Variants in PSMA8 observed in about 807,000 individuals in gnomAD.
PSMA8 encodes proteasome subunit alpha-type 8.
A neutral mutation model predicts 32.4 loss-of-function variants in PSMA8; 18 were observed. The observed-to-expected ratio is 0.56, with a 90% CI of 0.38 to 0.82. The LOEUF (loss-of-function observed/expected upper bound fraction) is 0.82. PSMA8 is among the 40% of genes least tolerant of loss of function. The pLI, the probability that PSMA8 is intolerant of heterozygous loss-of-function variation, is 0.00. For synonymous variants in PSMA8, 104 were observed against 98.1 expected (o/e 1.06, Z -0.36); for missense variants, 298 against 300.7 (o/e 0.99, Z 0.07).
intron 4 of PSMA8, among the ~76,000 whole-genome samples, chr18:26,174,571 A>T (rs902562551): frequency 2.0e-5 from 3 of 152,204 alleles, no homozygotes; most frequent in Admixed American, 6.5e-5. Context: ...AAGCTATTCT[A>T]TACTATTTTA....
chr18:26,186,879 A>C (rs745337458), intron 6 of PSMA8, among the ~76,000 whole-genome samples: 10 of 152,258 alleles, frequency 6.6e-5, no homozygotes, highest in African/African-American at 2.4e-4. Flanking sequence ...GGAACCAAAA[A>C]TGAATACTAC....
At chr18:26,181,939 A>G (rs77165207) in intron 6 of PSMA8, among the ~76,000 whole-genome samples, 2 of 151,500 alleles carry the variant, frequency 1.3e-5, no homozygotes, top group Non-Finnish European at 3.0e-5. Flanking sequence ...AAAAAAAAAA[A>G]CCAGTCTTGT....
At chr18:26,157,460 G>A (rs1029475443) in intron 3 of PSMA8, among the ~76,000 whole-genome samples, 2 of 151,796 alleles carry the variant, frequency 1.3e-5, no homozygotes, top group African/African-American at 2.4e-5. Flanking sequence ...TTTGGGGCAC[G>A]AGTCTCAGTG....
rs139877816 is a variant in PSMA8 at position 26,165,448 on chromosome 18, C to T, written c.477+7204C>T. On this transcript the variant is annotated intron_variant, in intron 4 of 6. Coordinates refer to ENST00000415576, the MANE Select transcript of PSMA8 (RefSeq NM_001025096.2). ...ACACTTTTCGTAAGTTTAAATTTTT[C>T]CAAAATAAAAAATTGAAGAAAAGGA... Among the ~76,000 whole-genome samples, 3 of 152,012 alleles carry T rather than the reference C, an allele frequency of 2.0e-5. No homozygotes were observed. The East Asian group carries it at 5.8e-4, about 29-fold the overall frequency.
intron 6 of PSMA8, among the ~76,000 whole-genome samples, chr18:26,186,262 A>AC (rs1030974740): frequency 6.7e-6 from 1 of 149,614 alleles, no homozygotes; most frequent in African/African-American, 2.4e-5. Context: ...AAAAAAAAAA[A>AC]AAAAAAAAAA....
chr18:26,144,604 A>C lies in PSMA8; in HGVS notation c.148A>C (p.Lys50Gln), dbSNP rs754684950. 5.6e-6 allele frequency: 9 copies of C among 1,613,764 alleles called. No individual in the cohort carries two copies. The Admixed American group carries it at 1.2e-4, about 21-fold the overall frequency. Residue 50 changes from lysine (K) to glutamine (Q), a missense_variant, in exon 2 of 7, where the codon AAA becomes CAA. Coordinates refer to ENST00000415576, the MANE Select transcript of PSMA8 (RefSeq NM_001025096.2). ...TATAGTTGTTCTTGGGGTAGAAAAA[A>C]AATCTGTTGCCAAGCTTCAAGATGA... ...TNIVVLGVEK[K>Q]SVAKLQDERT... is the part of the protein sequence containing the mutation.
chr18:26,179,233 C>A, intron 6 of PSMA8, 103 bp downstream of exon 6: 3 of 726,214 alleles, frequency 4.1e-6, no homozygotes, highest in Non-Finnish European at 4.5e-6. Context: ...TGTTATCCTT[C>A]ATTAATGTCA....
At chr18:26,166,037 G>C (rs1296383240) in intron 4 of PSMA8, among the ~76,000 whole-genome samples, 1 of 152,142 alleles carries the variant, frequency 6.6e-6, no homozygotes. Flanking sequence ...AGGAGGCAGA[G>C]GTTGCAGTGA....
rs376606262 is a variant in PSMA8 at position 26,144,624 on chromosome 18, A to G, written c.168A>G (p.Gln56=). The change falls in exon 2 of 7, where the codon CAA becomes CAG. Residue 56 remains glutamine, a synonymous_variant. Coordinates refer to ENST00000415576, the MANE Select transcript of PSMA8 (RefSeq NM_001025096.2). ...GVEKKSVAKL[Q]DERTVRKICA... ...AAAAAAAATCTGTTGCCAAGCTTCA[A>G]GATGAAAGAACTGTGAGGAAAATTT... is the stretch of plus-strand genomic sequence containing the variant. The G allele has an allele frequency of 1.8e-5, 29 of 1,613,846 alleles. No individual in the cohort carries two copies. The highest frequency in any genetic ancestry group is 6.7e-5 in the East Asian group (3 of 44,842).
intron 6 of PSMA8, among the ~76,000 whole-genome samples, chr18:26,189,145 G>GA (rs927821058): frequency 2.6e-5 from 4 of 152,030 alleles, no homozygotes; most frequent in African/African-American, 9.7e-5. Context: ...CTCTATAAGA[G>GA]AAAAAACAAT....
chr18:26,161,804 T>C (rs987819807), intron 4 of PSMA8, among the ~76,000 whole-genome samples: 6 of 152,204 alleles, frequency 3.9e-5, no homozygotes, highest in Non-Finnish European at 5.9e-5. Context: ...CAGAAGCAGT[T>C]GGCACAAGTA....
chr18:26,176,061 G>A (rs1027443290), intron 4 of PSMA8, among the ~76,000 whole-genome samples: 3 of 152,066 alleles, frequency 2.0e-5, no homozygotes, highest in Admixed American at 6.6e-5. Flanking sequence ...TTAATCTGAG[G>A]AGGCAGGTAG....
intron 6 of PSMA8, among the ~76,000 whole-genome samples, chr18:26,189,348 T>G (rs930335063): frequency 1.6e-4 from 24 of 152,088 alleles, no homozygotes; most frequent in African/African-American, 5.8e-4. Context: ...GACAACACAG[T>G]GAGACCTTGT....
chr18:26,146,608 C>T (rs1208298457), intron 2 of PSMA8, among the ~76,000 whole-genome samples: 1 of 151,584 alleles, frequency 6.6e-6, no homozygotes, highest in African/African-American at 2.4e-5. Flanking sequence ...AAAAAAAATA[C>T]AAAAATTAGC....
intron 1 of PSMA8, among the ~76,000 whole-genome samples, chr18:26,142,037 A>ATTTTTTT (rs71169819): frequency 3.4e-5 from 4 of 117,600 alleles, no homozygotes; most frequent in Non-Finnish European, 5.1e-5. Context: ...AATAATGCTA[A>ATTTTTTT]TTTTTTTTTT....
chr18:26,177,112 G>A (rs369091272), intron 4 of PSMA8, among the ~76,000 whole-genome samples: 7 of 152,060 alleles, frequency 4.6e-5, no homozygotes, highest in South Asian at 2.1e-4. Context: ...TTCAGACCAC[G>A]GTTTCAAAGC....
chr18:26,148,391 A>T (rs1040347843), intron 2 of PSMA8, among the ~76,000 whole-genome samples: 4 of 151,948 alleles, frequency 2.6e-5, no homozygotes, highest in Admixed American at 2.6e-4. Context: ...AATATACCAC[A>T]TTAACAGAAG....
intron 1 of PSMA8, among the ~76,000 whole-genome samples, chr18:26,134,425 T>C (rs2074761062): frequency 6.6e-6 from 1 of 151,562 alleles, no homozygotes; most frequent in Admixed American, 6.6e-5. Context: ...TAGGGAAAGC[T>C]TCTAATCTGT....
intron 4 of PSMA8, among the ~76,000 whole-genome samples, chr18:26,175,393 A>G (rs2144338254): frequency 6.6e-6 from 1 of 152,374 alleles, no homozygotes; most frequent in Non-Finnish European, 1.5e-5. Context: ...TGTAGTCGCA[A>G]TAAAGGCTTC....
Sources: gnomAD v4.1 joint callset for allele counts (sites outside exome capture counted in the v4.1 genomes callset) on GRCh38, gnomAD v4.1.1 for gene constraint, MANE v1.5 for transcripts, NCBI Gene and HGNC (gene_info 2026-07-23, HGNC 2026-07-21) for gene names.